Variants in SLC1A1 observed in about 807,000 individuals in gnomAD.
SLC1A1 encodes excitatory amino acid transporter 3.
A neutral mutation model predicts 53.3 loss-of-function variants in SLC1A1; 43 were observed. The ratio of observed to expected loss-of-function variants is 0.81; its 90% CI spans 0.63 to 1.04. The LOEUF (loss-of-function observed/expected upper bound fraction) is 1.04. Ranked by LOEUF, SLC1A1 falls within the 50% of genes least tolerant of loss-of-function variation. The probability of loss-of-function intolerance (pLI) is 0.00; values close to 1 mark genes in which losing one functional copy is unlikely to be tolerated. For missense variants in SLC1A1, 748 were observed against 664.9 expected (o/e 1.12, Z -1.37); for synonymous variants, 307 against 243.2 (o/e 1.26, Z -2.44).
chr9:4,538,771 T>C (rs748029800), intron 1 of SLC1A1, among the ~76,000 whole-genome samples: 2 of 152,218 alleles, frequency 1.3e-5, no homozygotes, highest in African/African-American at 4.8e-5. Context: ...CTCAGCTCTT[T>C]AGGGAGGCAG....
At chr9:4,508,726 C>G (rs1212975266) in intron 1 of SLC1A1, among the ~76,000 whole-genome samples, 1 of 152,208 alleles carries the variant, frequency 6.6e-6, no homozygotes, top group Non-Finnish European at 1.5e-5. Flanking sequence ...GTGATTTTCT[C>G]CTGCCTTTCA....
intron 1 of SLC1A1, among the ~76,000 whole-genome samples, chr9:4,538,603 G>A (rs948939230): frequency 6.6e-6 from 1 of 152,146 alleles, no homozygotes; most frequent in African/African-American, 2.4e-5. Flanking sequence ...ATGAATTTTT[G>A]CATTTATTTT....
At chr9:4,560,451 C>G (rs1266797666) in intron 2 of SLC1A1, among the ~76,000 whole-genome samples, 1 of 152,064 alleles carries the variant, frequency 6.6e-6, no homozygotes, top group Non-Finnish European at 1.5e-5. Context: ...CTATAAAATT[C>G]TCCCAGCTGT....
At chr9:4,499,297 G>A (rs1274784497) in intron 1 of SLC1A1, among the ~76,000 whole-genome samples, 2 of 151,894 alleles carry the variant, frequency 1.3e-5, no homozygotes, top group Non-Finnish European at 2.9e-5. Flanking sequence ...CACCCACGTT[G>A]GCCTCCCAAA....
intron 5 of SLC1A1, among the ~76,000 whole-genome samples, chr9:4,566,709 T>C (rs1486445107): frequency 2.0e-5 from 3 of 151,588 alleles, no homozygotes; most frequent in Non-Finnish European, 4.4e-5. Context: ...AAAAAAAATA[T>C]AAAAAATCGT....
In SLC1A1 at chr9:4,576,683, G is replaced by A. The variant is rs767200763; in HGVS notation, c.1113G>A (p.Ala371=). Residue 371 remains alanine, a synonymous_variant, in exon 10 of 12, where the codon GCG becomes GCA. Coordinates refer to ENST00000262352, the MANE Select transcript of SLC1A1 (RefSeq NM_004170.6). ...VGATINMDGT[A]LYEAVAAVFI... is the part of the protein sequence containing the mutation. ...CAACAATCAACATGGATGGGACTGC[G>A]CTCTATGAAGCAGTGGCAGCGGTGT... is the stretch of plus-strand genomic sequence containing the variant. 1.8e-5 allele frequency: 29 copies of A among 1,614,006 alleles called. No individual in the cohort carries two copies. Among genetic ancestry groups the A allele is most frequent in the East Asian group, 1.3e-4 (6 of 44,900 alleles).
chr9:4,576,500 C>T (rs1820557742), intron 9 of SLC1A1, 69 bp from the exon 10 acceptor site: 11 of 1,277,512 alleles, frequency 8.6e-6, no homozygotes, highest in East Asian at 4.6e-5. Flanking sequence ...GGAAGACAGG[C>T]ATGTCTTCAG....
intron 1 of SLC1A1, among the ~76,000 whole-genome samples, chr9:4,514,283 A>C (rs899999752): frequency 6.6e-6 from 1 of 152,126 alleles, no homozygotes; most frequent in African/African-American, 2.4e-5. Flanking sequence ...ACTGGTGGGG[A>C]ATTCCTGTTT....
chr9:4,539,513 C>G (rs1052034984), intron 1 of SLC1A1, among the ~76,000 whole-genome samples: 7 of 152,136 alleles, frequency 4.6e-5, no homozygotes, highest in African/African-American at 7.2e-5. Flanking sequence ...AAGATGATCC[C>G]TAGCTGAGAT....
rs548730367 is a variant in SLC1A1, at chr9:4,496,232, C to T, written c.91+5462C>T. Among the ~76,000 whole-genome samples, 7 of 152,048 alleles carry T rather than the reference C, an allele frequency of 4.6e-5. No homozygotes were observed. In the East Asian group the frequency reaches 1.2e-3, roughly 25 times the overall value. ...AACAGGAACAGTGATGGGTGAGAGGCTCGGGGGCAGGAGTGAGAGGGTCTG... is the reference window on the plus strand; with the variant it reads ...AACAGGAACAGTGATGGGTGAGAGGTTCGGGGGCAGGAGTGAGAGGGTCTG... On this transcript the variant is annotated intron_variant, in intron 1 of 11. Transcript: ENST00000262352.
intron 1 of SLC1A1, among the ~76,000 whole-genome samples, chr9:4,537,775 G>C (rs545921955): frequency 6.6e-6 from 1 of 152,044 alleles, no homozygotes. Context: ...CTTGGGGGTA[G>C]GGAGAAGTGG....
At chr9:4,508,134 G>A (rs1820865836) in intron 1 of SLC1A1, among the ~76,000 whole-genome samples, 1 of 152,088 alleles carries the variant, frequency 6.6e-6, no homozygotes, top group Admixed American at 6.6e-5. Context: ...GTGACCGTGG[G>A]ATAGATAAAG....
rs146743439 is a variant in SLC1A1, at chr9:4,574,724, G to T, written c.875+710G>T. 1.1e-3 allele frequency among the ~76,000 whole-genome samples: 164 copies of T among 152,186 alleles called. 5 individuals carry two copies. The East Asian group carries it at 0.028, about 26-fold the overall frequency. On this transcript the variant is annotated intron_variant, in intron 8 of 11. Transcript: ENST00000262352. ...GGGCAGAATATGTCACATACCCTAA[G>T]AAATACAGACTAAGGGAATAAATAA...
intron 3 of SLC1A1, 32 bp from the exon 4 acceptor site, chr9:4,564,312 T>C (rs1340023313): frequency 6.7e-7 from 1 of 1,485,814 alleles, no homozygotes; most frequent in African/African-American, 1.4e-5. Context: ...GGAAGGTTCC[T>C]AATGCTCTGT....
At chr9:4,500,399 C>T (rs1053193416) in intron 1 of SLC1A1, among the ~76,000 whole-genome samples, 2 of 152,116 alleles carry the variant, frequency 1.3e-5, no homozygotes, top group Admixed American at 6.5e-5. Context: ...CCTCCACCTC[C>T]CAGGTTCAAA....
At position 4,536,101 on chromosome 9, in the gene SLC1A1, A is replaced by T. The variant is rs368634559; in HGVS notation, c.92-8466A>T. Among the ~76,000 whole-genome samples the T allele has an allele frequency of 9.9e-5, 15 of 152,262 alleles. 1 individual carries two copies. The East Asian group carries it at 2.3e-3, about 24-fold the overall frequency. On this transcript the variant is annotated intron_variant, in intron 1 of 11. Coordinates refer to ENST00000262352, the MANE Select transcript of SLC1A1 (RefSeq NM_004170.6). Reference sequence around the variant, plus strand: ...AAAACCATAAAAACCCTAGAAGAAAACCTAGGCAATACCATTCAGGACATC... The same window carrying T: ...AAAACCATAAAAACCCTAGAAGAAATCCTAGGCAATACCATTCAGGACATC...
Position 4,490,608 on chromosome 9 carries a change from C to A in SLC1A1, c.-72C>A. On this transcript the variant is annotated 5_prime_UTR_variant, in exon 1 of 12. Coordinates refer to ENST00000262352, the MANE Select transcript of SLC1A1 (RefSeq NM_004170.6). ...ACCCGCATCTCGCCGCGCCGCCGAGCAGCCAGCAGTCCCCGGGTCGCCCAG... is the reference window on the plus strand; with the variant it reads ...ACCCGCATCTCGCCGCGCCGCCGAGAAGCCAGCAGTCCCCGGGTCGCCCAG... The A allele has an allele frequency of 2.4e-6, 3 of 1,256,338 alleles. No homozygotes were observed. The highest frequency in any genetic ancestry group is 1.5e-5 in the African/African-American group (1 of 67,302). 77.8% of individuals were successfully genotyped at this position (1,256,338 alleles called of 1,614,324 possible).
intron 6 of SLC1A1, among the ~76,000 whole-genome samples, chr9:4,571,878 T>A (rs996323816): frequency 7.2e-5 from 11 of 152,120 alleles, no homozygotes; most frequent in African/African-American, 1.9e-4. Flanking sequence ...AGCTAGCAGT[T>A]AAAATGACCC....
At chr9:4,571,841 G>T (rs1288319781) in intron 6 of SLC1A1, among the ~76,000 whole-genome samples, 2 of 152,134 alleles carry the variant, frequency 1.3e-5, no homozygotes, top group Admixed American at 1.3e-4. Flanking sequence ...ATTAATTCCT[G>T]TGTTTTTTTA....
Sources: gnomAD v4.1 joint callset for allele counts (sites outside exome capture counted in the v4.1 genomes callset) on GRCh38, gnomAD v4.1.1 for gene constraint, MANE v1.5 for transcripts, NCBI Gene and HGNC (gene_info 2026-07-23, HGNC 2026-07-21) for gene names.